RAB38: variants seen among roughly 807,000 people sequenced by gnomAD.
RAB38 encodes ras-related protein Rab-38.
In RAB38, 15 loss-of-function variants were observed where a neutral mutation model predicts 18.4. The observed-to-expected ratio is 0.82, with a 90% confidence interval of 0.55 to 1.26. The LOEUF (loss-of-function observed/expected upper bound fraction) is 1.26. Ranked by LOEUF, RAB38 falls within the 50% of genes most tolerant of loss-of-function variation. The pLI, the probability that RAB38 is intolerant of heterozygous loss-of-function variation, is 0.00. For synonymous variants in RAB38, 101 were observed against 104.4 expected (o/e 0.97, Z 0.20); for missense variants, 294 against 267.4 (o/e 1.10, Z -0.69).
the RAB38 span, among the ~76,000 whole-genome samples, chr11:87,862,223 AG>A: frequency 1.3e-5 from 2 of 151,994 alleles, no homozygotes; most frequent in Non-Finnish European, 2.9e-5. Flanking sequence ...TGTTCATTGC[AG>A]CCCTATTCAC....
the RAB38 span, among the ~76,000 whole-genome samples, chr11:87,951,187 A>AGGCTTCTGC: frequency 6.6e-6 from 1 of 152,002 alleles, no homozygotes; most frequent in African/African-American, 2.4e-5. Flanking sequence ...TCGGCTCCTG[A>AGGCTTCTGC]GGCTTCTGCA....
chr11:87,877,622 G>C, the RAB38 span, among the ~76,000 whole-genome samples: 2 of 151,438 alleles, frequency 1.3e-5, no homozygotes, highest in South Asian at 4.2e-4. Flanking sequence ...ACTGTTGACT[G>C]TGTCTACCTT....
the RAB38 span, among the ~76,000 whole-genome samples, chr11:87,857,040 T>C: frequency 6.6e-6 from 1 of 151,692 alleles, no homozygotes. Context: ...CAGGCCCCAT[T>C]GTGTAATGTT....
chr11:87,821,749 A>T, the RAB38 span, among the ~76,000 whole-genome samples: 1 of 151,638 alleles, frequency 6.6e-6, no homozygotes, highest in Non-Finnish European at 1.5e-5. Flanking sequence ...TACTTGGGAG[A>T]CTAAGGCAGG....
In RAB38 at chr11:88,120,150, G is replaced by A. The variant is rs534979083; in HGVS notation, c.484-6010C>T. Among the ~76,000 whole-genome samples the A allele has an allele frequency of 1.4e-4, 21 of 152,198 alleles. No individual in the cohort carries two copies. The East Asian group carries it at 3.9e-3, about 28-fold the overall frequency. ...TGGGGCTCCCCTAAACTGACCTTATGTTTCAGACATTATTCTCAGAATATG... is the reference window on the plus strand; with the variant it reads ...TGGGGCTCCCCTAAACTGACCTTATATTTCAGACATTATTCTCAGAATATG... On this transcript the variant is annotated intron_variant, in intron 2 of 2. Transcript: ENST00000243662.
chr11:87,972,825 C>CT, the RAB38 span, among the ~76,000 whole-genome samples: 1 of 151,968 alleles, frequency 6.6e-6, no homozygotes, highest in South Asian at 2.1e-4. Context: ...CCACTCAAAC[C>CT]TCATGTCAAA....
At chr11:87,957,598 C>G in the RAB38 span, among the ~76,000 whole-genome samples, 1 of 152,142 alleles carries the variant, frequency 6.6e-6, no homozygotes, top group African/African-American at 2.4e-5. Flanking sequence ...TTCTTGGGCT[C>G]TCTATGTGGC....
the RAB38 span, among the ~76,000 whole-genome samples, chr11:87,912,754 T>C: frequency 1.1e-5 from 1 of 87,530 alleles, no homozygotes; most frequent in Non-Finnish European, 2.5e-5. Context: ...TTGGGTTTAA[T>C]TTTCTTTCTT....
At chr11:88,105,472 G>C in the RAB38 span, among the ~76,000 whole-genome samples, 50 of 152,210 alleles carry the variant, frequency 3.3e-4, no homozygotes, top group Admixed American at 1.4e-3. Context: ...CAAAACCAAA[G>C]AGGAATTTAT....
chr11:87,956,977 G>GT, the RAB38 span, among the ~76,000 whole-genome samples: 27,957 of 99,750 alleles, frequency 0.28, 3,054 homozygotes, highest in East Asian at 0.59. Context: ...TAAAAATGCA[G>GT]TTTTTTGGGG....
the RAB38 span, among the ~76,000 whole-genome samples, chr11:88,045,148 A>C: frequency 6.6e-6 from 1 of 152,134 alleles, no homozygotes; most frequent in Non-Finnish European, 1.5e-5. Context: ...ACAGCCCTAG[A>C]CCCTGAAAGG....
At chr11:88,111,925 G>C (rs1348591302), downstream of RAB38, among the ~76,000 whole-genome samples, 2 of 152,152 alleles carry the variant, frequency 1.3e-5, no homozygotes, top group Non-Finnish European at 2.9e-5. Flanking sequence ...CTCTTCTCCA[G>C]TATTTTGCCA....
chr11:87,976,498 ATATTTGTAATATATTTATAT>A, the RAB38 span, among the ~76,000 whole-genome samples: 54 of 92,982 alleles, frequency 5.8e-4, no homozygotes, highest in African/African-American at 2.2e-3. Flanking sequence ...ATATATTTAT[ATATTTGTAATATATTTATAT>A]TTTATATATA....
chr11:87,905,147 A>G, the RAB38 span, among the ~76,000 whole-genome samples: 1 of 151,706 alleles, frequency 6.6e-6, no homozygotes, highest in South Asian at 2.1e-4. Flanking sequence ...GTAGTTTATA[A>G]TATACTGAAA....
At chr11:88,148,567 C>T (rs1943021303) in intron 2 of RAB38, among the ~76,000 whole-genome samples, 1 of 152,118 alleles carries the variant, frequency 6.6e-6, no homozygotes, top group Admixed American at 6.6e-5. Context: ...GCAGAAAACC[C>T]ATTAGAGGTT....
chr11:88,052,423 C>T, the RAB38 span, among the ~76,000 whole-genome samples: 2 of 151,962 alleles, frequency 1.3e-5, no homozygotes, highest in Admixed American at 6.6e-5. Flanking sequence ...TTTTGGTATA[C>T]GGCCCTATGA....
chr11:88,011,681 T>G, the RAB38 span, among the ~76,000 whole-genome samples: 1 of 152,202 alleles, frequency 6.6e-6, no homozygotes, highest in East Asian at 1.9e-4. Context: ...TATTAGATAT[T>G]CATCTAAGTC....
chr11:88,085,566 A>T, the RAB38 span, among the ~76,000 whole-genome samples: 1 of 151,896 alleles, frequency 6.6e-6, no homozygotes, highest in Non-Finnish European at 1.5e-5. Context: ...TTCACTAACT[A>T]TGAGTTATAT....
At chr11:88,124,793 T>C (rs1034291769) in intron 2 of RAB38, among the ~76,000 whole-genome samples, 1 of 152,232 alleles carries the variant, frequency 6.6e-6, no homozygotes, top group Non-Finnish European at 1.5e-5. Context: ...AGGAGATACA[T>C]CAATTTGAAG....
Sources: gnomAD v4.1 joint callset for allele counts (sites outside exome capture counted in the v4.1 genomes callset) on GRCh38, gnomAD v4.1.1 for gene constraint, MANE v1.5 for transcripts, NCBI Gene and HGNC (gene_info 2026-07-23, HGNC 2026-07-21) for gene names.